Variants in CFAP263 observed in about 807,000 individuals in gnomAD.
CFAP263 encodes cilia- and flagella-associated protein 263.
At chr16:58,254,087 A>C in the CFAP263 span, 4 of 1,614,260 alleles carry the variant, frequency 2.5e-6, no homozygotes, top group South Asian at 4.4e-5. Flanking sequence ...TGGTACAAAA[A>C]GAGGTTGCGG....
At chr16:58,249,998 G>C in the CFAP263 span, 1 of 1,544,426 alleles carries the variant, frequency 6.5e-7, no homozygotes, top group East Asian at 2.3e-5. Flanking sequence ...ATTGGCAGGG[G>C]CCGCTTCGGC....
the CFAP263 span, among the ~76,000 whole-genome samples, chr16:58,258,107 CA>C: frequency 0.026 from 2,164 of 82,316 alleles, 16 homozygotes; most frequent in Non-Finnish European, 0.033. Context: ...GACTCTGTCT[CA>C]AAAAAAAAAA....
At chr16:58,262,481 G>T in the CFAP263 span, 5 of 1,613,540 alleles carry the variant, frequency 3.1e-6, no homozygotes, top group Non-Finnish European at 4.2e-6. Context: ...AAGGAATCAA[G>T]AACTGACCCA....
At chr16:58,261,143 C>A in the CFAP263 span, among the ~76,000 whole-genome samples, 2 of 152,120 alleles carry the variant, frequency 1.3e-5, no homozygotes, top group African/African-American at 4.8e-5. Context: ...GGAATAGAAA[C>A]CATATCCAAG....
the CFAP263 span, among the ~76,000 whole-genome samples, chr16:58,266,405 A>ATATATATATTT: frequency 3.2e-5 from 1 of 31,442 alleles, no homozygotes; most frequent in African/African-American, 1.2e-4. Flanking sequence ...ATATATATAT[A>ATATATATATTT]TTTTTTTTTT....
the CFAP263 span, chr16:58,253,967 T>A: frequency 6.2e-7 from 1 of 1,613,448 alleles, no homozygotes; most frequent in Non-Finnish European, 8.5e-7. Flanking sequence ...AATTCCTCTT[T>A]GACAATGGCT....
At chr16:58,259,456 A>G in the CFAP263 span, among the ~76,000 whole-genome samples, 2 of 152,204 alleles carry the variant, frequency 1.3e-5, no homozygotes, top group African/African-American at 4.8e-5. Context: ...AGATTTTTAC[A>G]ACACGTCAAG....
the CFAP263 span, among the ~76,000 whole-genome samples, chr16:58,272,730 GT>G: frequency 6.7e-6 from 1 of 148,538 alleles, no homozygotes; most frequent in South Asian, 2.1e-4. Flanking sequence ...AGCTCTTTCA[GT>G]TGAATTTGGT....
chr16:58,280,898 T>G, the CFAP263 span: 1 of 746,010 alleles, frequency 1.3e-6, no homozygotes, highest in Non-Finnish European at 2.1e-6. Flanking sequence ...GGATACAATT[T>G]CAAATCTAGG....
the CFAP263 span, among the ~76,000 whole-genome samples, chr16:58,272,987 GT>G: frequency 4.0e-5 from 6 of 151,728 alleles, no homozygotes; most frequent in African/African-American, 1.5e-4. Context: ...TGAGTGGCAG[GT>G]TTTTTTTCTT....
the CFAP263 span, chr16:58,283,002 G>A: frequency 2.0e-5 from 3 of 152,212 alleles, no homozygotes; most frequent in East Asian, 1.9e-4. Flanking sequence ...AGGCAGAGGC[G>A]AACAGCTCCA....
At chr16:58,280,119 A>G in the CFAP263 span, 2 of 1,172,370 alleles carry the variant, frequency 1.7e-6, no homozygotes, top group Admixed American at 2.3e-5. Context: ...TATCCGTGGC[A>G]GCCCCAGTGT....
At chr16:58,271,517 A>G in the CFAP263 span, among the ~76,000 whole-genome samples, 3 of 152,340 alleles carry the variant, frequency 2.0e-5, no homozygotes, top group East Asian at 5.8e-4. Flanking sequence ...CAGGATATCC[A>G]CATTACATTT....
At chr16:58,259,116 G>C in the CFAP263 span, among the ~76,000 whole-genome samples, 1 of 152,104 alleles carries the variant, frequency 6.6e-6, no homozygotes, top group Non-Finnish European at 1.5e-5. Flanking sequence ...TTTGTTATTT[G>C]TTTCAAGATC....
chr16:58,264,688 G>T, the CFAP263 span, among the ~76,000 whole-genome samples: 1 of 152,282 alleles, frequency 6.6e-6, no homozygotes, highest in African/African-American at 2.4e-5. Flanking sequence ...AGCCAATATT[G>T]TCGAATGAAC....
At chr16:58,262,059 G>A in the CFAP263 span, among the ~76,000 whole-genome samples, 1 of 152,086 alleles carries the variant, frequency 6.6e-6, no homozygotes, top group East Asian at 1.9e-4. Flanking sequence ...CCCTGGCCTG[G>A]CTTAGGGACT....
At chr16:58,253,840 C>G in the CFAP263 span, among the ~76,000 whole-genome samples, 1 of 152,212 alleles carries the variant, frequency 6.6e-6, no homozygotes, top group Admixed American at 6.5e-5. Flanking sequence ...AATGTCAGCT[C>G]AGGCCTAATA....
chr16:58,265,889 G>C, the CFAP263 span, among the ~76,000 whole-genome samples: 88,814 of 151,856 alleles, frequency 0.58, 27,039 homozygotes, highest in African/African-American at 0.75. Context: ...TCTTGTACCT[G>C]CATTCCTTCC....
At chr16:58,270,113 C>T in the CFAP263 span, among the ~76,000 whole-genome samples, 1 of 152,098 alleles carries the variant, frequency 6.6e-6, no homozygotes, top group African/African-American at 2.4e-5. Context: ...GCTTATTGGC[C>T]ACTTGTCTAT....
Sources: allele counts gnomAD v4.1 joint callset (sites outside exome capture counted in the v4.1 genomes callset), GRCh38; gene constraint gnomAD v4.1.1; transcripts MANE v1.5; gene names NCBI Gene and HGNC (gene_info 2026-07-23, HGNC 2026-07-21).